The following NAALADL2 variants were observed in gnomAD, a reference collection of about 807,000 sequenced individuals.
The protein encoded by NAALADL2 is N-acetylated alpha-linked acidic dipeptidase like 2.
In NAALADL2, 76 loss-of-function variants were observed where a neutral mutation model predicts 87.2. The ratio of observed to expected loss-of-function variants is 0.87; its 90% CI spans 0.72 to 1.05. The LOEUF (loss-of-function observed/expected upper bound fraction) is 1.05, where lower values mean the gene tolerates loss of function less well. NAALADL2 is among the 50% of genes least tolerant of loss of function. The pLI is 0.00. For missense variants in NAALADL2, 1,089 were observed against 945.8 expected, an observed-to-expected ratio of 1.15 and a Z score of -1.99; for synonymous variants, 354 against 331.0, an observed-to-expected ratio of 1.07 and a Z score of -0.75.
intron 1 of NAALADL2, among the ~76,000 whole-genome samples, chr3:174,546,273 C>T (rs1722721014): frequency 6.6e-6 from 1 of 152,052 alleles, no homozygotes; most frequent in Non-Finnish European, 1.5e-5. Context: ...GTAAACTTTA[C>T]CTAATTCCCT....
rs907296061 is a variant in NAALADL2 at position 174,719,088 on chromosome 3, G to A, written c.-114-18553G>A. 3.3e-5 allele frequency among the ~76,000 whole-genome samples: 5 copies of A among 152,056 alleles called. No homozygotes were observed. The South Asian group carries it at 1.0e-3, about 31-fold the overall frequency. ...TGAAGACGACTTCTCATTAAGAAAG[G>A]TGGTTTATATTCACCATGCTTCATT... On this transcript the variant is annotated intron_variant, in intron 2 of 3. Coordinates refer to the NAALADL2 transcript ENST00000434257.
intron 10 of NAALADL2, among the ~76,000 whole-genome samples, chr3:175,580,878 G>T (rs1560794082): frequency 6.6e-6 from 1 of 151,948 alleles, no homozygotes; most frequent in South Asian, 2.1e-4. Flanking sequence ...ACCCTCAAAA[G>T]TACCAAAGAT....
chr3:175,143,882 T>C (rs931409470), intron 2 of NAALADL2, among the ~76,000 whole-genome samples: 53 of 152,070 alleles, frequency 3.5e-4, no homozygotes, highest in Admixed American at 2.0e-4. Context: ...ACCTCAAAGC[T>C]AGTGTTCCCT....
chr3:175,120,580 G>A (rs539113710), intron 2 of NAALADL2, among the ~76,000 whole-genome samples: 1 of 151,818 alleles, frequency 6.6e-6, no homozygotes, highest in African/African-American at 2.4e-5. Flanking sequence ...AAATTGCATT[G>A]GTCCAAGTAT....
At chr3:175,767,977 G>C (rs925046235) in intron 13 of NAALADL2, among the ~76,000 whole-genome samples, 1 of 152,156 alleles carries the variant, frequency 6.6e-6, no homozygotes, top group Non-Finnish European at 1.5e-5. Context: ...TTCGAAAAAT[G>C]TTTGTTGACT....
chr3:175,642,097 C>T (rs1236566047), intron 11 of NAALADL2, among the ~76,000 whole-genome samples: 3 of 152,172 alleles, frequency 2.0e-5, no homozygotes, highest in East Asian at 3.9e-4. Context: ...TCTTCTCAAT[C>T]ACCATCCCAA....
chr3:175,722,883 G>T (rs554272907), intron 11 of NAALADL2, among the ~76,000 whole-genome samples: 1 of 152,092 alleles, frequency 6.6e-6, no homozygotes, highest in Non-Finnish European at 1.5e-5. Context: ...AGACCAGTGT[G>T]CTAATTTCCT....
At chr3:174,699,274 G>C (rs1027648528) in intron 2 of NAALADL2, among the ~76,000 whole-genome samples, 1 of 152,086 alleles carries the variant, frequency 6.6e-6, no homozygotes, top group Non-Finnish European at 1.5e-5. Flanking sequence ...AAGGCAGGAG[G>C]ATCATAAGGT....
intron 10 of NAALADL2, among the ~76,000 whole-genome samples, chr3:175,611,124 G>C (rs1215777287): frequency 6.6e-6 from 1 of 152,050 alleles, no homozygotes. Context: ...TCTGTATGGA[G>C]AGTTTTGTGA....
intron 2 of NAALADL2, among the ~76,000 whole-genome samples, chr3:174,637,709 T>G (rs991616150): frequency 2.0e-5 from 3 of 152,132 alleles, no homozygotes; most frequent in Admixed American, 6.5e-5. Context: ...AGAAGAAATA[T>G]TCACAATATA....
At chr3:175,654,378 T>C (rs913512971) in intron 11 of NAALADL2, among the ~76,000 whole-genome samples, 1 of 152,234 alleles carries the variant, frequency 6.6e-6, no homozygotes, top group African/African-American at 2.4e-5. Flanking sequence ...CAGAAGCAGC[T>C]TCTCTTGTTA....
At chr3:175,693,206 G>T (rs969862585) in intron 11 of NAALADL2, among the ~76,000 whole-genome samples, 1 of 152,154 alleles carries the variant, frequency 6.6e-6, no homozygotes, top group African/African-American at 2.4e-5. Flanking sequence ...TTAGTGTCCA[G>T]AGATTTTATG....
intron 1 of NAALADL2, among the ~76,000 whole-genome samples, chr3:174,916,063 A>G (rs1350806782): frequency 6.6e-6 from 1 of 152,186 alleles, no homozygotes; most frequent in African/African-American, 2.4e-5. Context: ...GGCAAAGGAC[A>G]TGAATATACC....
intron 2 of NAALADL2, among the ~76,000 whole-genome samples, chr3:174,639,885 A>G (rs1723001003): frequency 6.6e-6 from 1 of 152,194 alleles, no homozygotes; most frequent in Admixed American, 6.5e-5. Context: ...CACCTATATT[A>G]AATACTTAAT....
At chr3:174,614,187 A>C (rs1196839473) in intron 2 of NAALADL2, among the ~76,000 whole-genome samples, 1 of 152,118 alleles carries the variant, frequency 6.6e-6, no homozygotes, top group African/African-American at 2.4e-5. Flanking sequence ...TAGCTGCCCC[A>C]GCTAGTATAG....
intron 5 of NAALADL2, among the ~76,000 whole-genome samples, chr3:175,433,409 T>C (rs1176264186): frequency 6.6e-6 from 1 of 152,066 alleles, no homozygotes; most frequent in Non-Finnish European, 1.5e-5. Context: ...TCAAGCTCCA[T>C]TATCATGGAA....
chr3:175,191,440 G>C (rs1033423871), intron 2 of NAALADL2, among the ~76,000 whole-genome samples: 1 of 152,116 alleles, frequency 6.6e-6, no homozygotes, highest in African/African-American at 2.4e-5. Context: ...AGGATATACT[G>C]GTCAAGGAAA....
intron 1 of NAALADL2, among the ~76,000 whole-genome samples, chr3:174,935,103 C>A (rs1051424917): frequency 5.3e-5 from 8 of 151,882 alleles, no homozygotes; most frequent in African/African-American, 1.7e-4. Context: ...CTCACAAATT[C>A]AAAGAACATT....
At chr3:175,467,266 G>A in intron 8 of NAALADL2, 82 bp downstream of exon 8, 3 of 1,121,000 alleles carry the variant, frequency 2.7e-6, no homozygotes, top group Non-Finnish European at 3.9e-6. Flanking sequence ...TCAAAGCCAA[G>A]GGCAATAATG....
Sources: gnomAD v4.1 joint callset for allele counts (sites outside exome capture counted in the v4.1 genomes callset) on GRCh38, gnomAD v4.1.1 for gene constraint, MANE v1.5 for transcripts, NCBI Gene and HGNC (gene_info 2026-07-23, HGNC 2026-07-21) for gene names.